Variants in PCSK5 observed in about 807,000 individuals in gnomAD.
The protein encoded by PCSK5 is proprotein convertase subtilisin/kexin type 5, also known as prohormone convertase 5.
A neutral mutation model predicts 233.2 loss-of-function variants in PCSK5; 129 were observed. That is an observed-to-expected ratio of 0.55 (90% CI 0.48 to 0.64). The LOEUF (loss-of-function observed/expected upper bound fraction) is 0.64. Ranked by LOEUF, PCSK5 falls within the 30% of genes least tolerant of loss-of-function variation. PCSK5 has a pLI of 0.00. For synonymous variants in PCSK5, 825 were observed against 879.2 expected, an observed-to-expected ratio of 0.94 and a Z score of 1.09; for missense variants, 2,076 against 2,430.1, an observed-to-expected ratio of 0.85 and a Z score of 3.06.
At chr9:76,216,974 G>A (rs1459976860) in intron 20 of PCSK5, among the ~76,000 whole-genome samples, 1 of 152,134 alleles carries the variant, frequency 6.6e-6, no homozygotes, top group African/African-American at 2.4e-5. Flanking sequence ...CCAAGTAGCT[G>A]GGACTACAGG....
At chr9:76,095,007 C>T (rs1831449859) in intron 7 of PCSK5, among the ~76,000 whole-genome samples, 1 of 152,138 alleles carries the variant, frequency 6.6e-6, no homozygotes, top group Non-Finnish European at 1.5e-5. Context: ...GATCTATGGT[C>T]AAATATGTTT....
At chr9:75,990,966 A>C (rs1826743080) in intron 3 of PCSK5, among the ~76,000 whole-genome samples, 1 of 152,178 alleles carries the variant, frequency 6.6e-6, no homozygotes, top group Non-Finnish European at 1.5e-5. Flanking sequence ...CTCTGTAATA[A>C]AAGCAAACCT....
intron 28 of PCSK5, among the ~76,000 whole-genome samples, chr9:76,304,498 C>T (rs183184571): frequency 1.1e-4 from 16 of 152,300 alleles, no homozygotes; most frequent in Admixed American, 4.6e-4. Flanking sequence ...AGGAGAGAAT[C>T]AACAGGAAGC....
Position 76,143,564 on chromosome 9 carries a change from T to G in PCSK5, c.1312+9352T>G, listed in dbSNP as rs79614898. On this transcript the variant is annotated intron_variant, in intron 10 of 37. Transcript: ENST00000674117. ...TGTGTAACAAACTGACTGGTTGAAATGAAATTGTCTTGCAGTGATCATTTT... is the reference window on the plus strand; with the variant it reads ...TGTGTAACAAACTGACTGGTTGAAAGGAAATTGTCTTGCAGTGATCATTTT... Among the ~76,000 whole-genome samples the G allele has an allele frequency of 6.6e-5, 10 of 151,728 alleles. 1 individual carries two copies. Among genetic ancestry groups the G allele is most frequent in the African/African-American group, 2.4e-4 (10 of 41,306 alleles).
intron 8 of PCSK5, among the ~76,000 whole-genome samples, chr9:76,100,031 C>T (rs933641038): frequency 2.0e-5 from 3 of 152,148 alleles, no homozygotes; most frequent in Non-Finnish European, 2.9e-5. Flanking sequence ...TTTCATGATA[C>T]GCAAACAGGA....
intron 24 of PCSK5, among the ~76,000 whole-genome samples, chr9:76,276,920 T>TAA (rs1232746601): frequency 5.3e-5 from 8 of 152,168 alleles, no homozygotes; most frequent in Non-Finnish European, 1.2e-4. Flanking sequence ...AAATTTATGC[T>TAA]TTGTTTTCAT....
At chr9:76,281,431 G>A (rs572476788) in intron 24 of PCSK5, among the ~76,000 whole-genome samples, 12 of 152,276 alleles carry the variant, frequency 7.9e-5, no homozygotes, top group Middle Eastern at 3.4e-3. Flanking sequence ...AACAAGGCCG[G>A]GTTCAGCACA....
chr9:76,244,397 G>A (rs1045541889), intron 24 of PCSK5, among the ~76,000 whole-genome samples: 3 of 152,002 alleles, frequency 2.0e-5, no homozygotes, highest in Non-Finnish European at 4.4e-5. Flanking sequence ...CTGTGAGAAG[G>A]GACATCATCC....
At chr9:76,150,919 C>T (rs1442979928) in intron 10 of PCSK5, among the ~76,000 whole-genome samples, 1 of 151,602 alleles carries the variant, frequency 6.6e-6, no homozygotes, top group African/African-American at 2.4e-5. Context: ...AAACTGCCGA[C>T]ATGAGACTGA....
At chr9:76,219,484 T>C (rs1040580461) in intron 20 of PCSK5, among the ~76,000 whole-genome samples, 1 of 152,048 alleles carries the variant, frequency 6.6e-6, no homozygotes, top group Non-Finnish European at 1.5e-5. Context: ...ACAAGGAACA[T>C]TTGGGTGGTA....
chr9:76,163,924 G>T (rs1173432195), intron 12 of PCSK5, among the ~76,000 whole-genome samples: 1 of 132,266 alleles, frequency 7.6e-6, no homozygotes, highest in Non-Finnish European at 1.5e-5. Context: ...TAGATGTACT[G>T]GCCCTCTGTT....
Position 75,902,819 on chromosome 9 carries a change from T to C in PCSK5, c.192+11446T>C, listed in dbSNP as rs73464439. Among the ~76,000 whole-genome samples the C allele has an allele frequency of 6.8e-3, 1,039 of 152,356 alleles. 8 individuals carry two copies. The highest frequency in any genetic ancestry group is 0.023 in the African/African-American group (944 of 41,590). ...CACATCTGTGTGCTATTATTTGCAC[T>C]GCAGGTCCCTTACCAACTTAAGGGA... is the stretch of plus-strand genomic sequence containing the variant. On this transcript the variant is annotated intron_variant, in intron 1 of 37. Transcript: ENST00000674117.
At chr9:76,245,249 T>G (rs991531870) in intron 24 of PCSK5, among the ~76,000 whole-genome samples, 1 of 152,180 alleles carries the variant, frequency 6.6e-6, no homozygotes, top group Non-Finnish European at 1.5e-5. Flanking sequence ...TGTTTTAACT[T>G]AGAAAGAGAT....
chr9:76,038,876 G>A (rs1238040137), intron 5 of PCSK5, among the ~76,000 whole-genome samples: 1 of 152,138 alleles, frequency 6.6e-6, no homozygotes, highest in Non-Finnish European at 1.5e-5. Context: ...CACAGCAACT[G>A]GGGTTTAATT....
intron 34 of PCSK5, among the ~76,000 whole-genome samples, chr9:76,334,276 T>C (rs1829616793): frequency 6.6e-6 from 1 of 152,164 alleles, no homozygotes. Context: ...GAGATTTGGG[T>C]GAGACACAGA....
At chr9:76,023,239 G>A (rs1828278307) in intron 3 of PCSK5, among the ~76,000 whole-genome samples, 1 of 152,148 alleles carries the variant, frequency 6.6e-6, no homozygotes, top group South Asian at 2.1e-4. Flanking sequence ...GGACAGAGCT[G>A]GTGGCGGAGA....
chr9:76,356,449 A>G (rs1184043215), intron 37 of PCSK5, among the ~76,000 whole-genome samples: 1 of 152,240 alleles, frequency 6.6e-6, no homozygotes, highest in Non-Finnish European at 1.5e-5. Flanking sequence ...GCATGACTGC[A>G]TATGGCACCC....
intron 2 of PCSK5, among the ~76,000 whole-genome samples, chr9:75,965,978 G>A (rs1298774972): frequency 6.6e-6 from 1 of 152,088 alleles, no homozygotes; most frequent in Non-Finnish European, 1.5e-5. Flanking sequence ...GAGCTATCAG[G>A]GACACATTAT....
chr9:76,350,180 A>G (rs547848420), intron 35 of PCSK5, among the ~76,000 whole-genome samples: 1 of 152,204 alleles, frequency 6.6e-6, no homozygotes, highest in East Asian at 1.9e-4. Context: ...TTGAATCTTG[A>G]CCATCACTAT....
Sources: allele counts gnomAD v4.1 joint callset (sites outside exome capture counted in the v4.1 genomes callset), GRCh38; gene constraint gnomAD v4.1.1; transcripts MANE v1.5; gene names NCBI Gene and HGNC (gene_info 2026-07-23, HGNC 2026-07-21).